The following PRMT8 variants were observed in gnomAD, a reference collection of about 807,000 sequenced individuals.
PRMT8 encodes the protein protein arginine N-methyltransferase 8.
Under a neutral mutation model 47.1 loss-of-function variants are expected in PRMT8, and 7 were observed. That is an observed-to-expected ratio of 0.15 (90% confidence interval 0.08 to 0.28). PRMT8 has a LOEUF of 0.28. Ranked by LOEUF, PRMT8 falls within the 10% of genes least tolerant of loss-of-function variation. The pLI is 1.00. For missense variants in PRMT8, 237 were observed against 505.4 expected (o/e 0.47, Z 5.09); for synonymous variants, 188 against 186.5 (o/e 1.01, Z -0.07).
rs1591606185 is a variant in PRMT8 at position 3,566,688 on chromosome 12, C to T, written c.482-2018C>T. On this transcript the variant is annotated intron_variant, in intron 4 of 9. Coordinates refer to ENST00000382622, the MANE Select transcript of PRMT8 (RefSeq NM_019854.5). The surrounding 1 kb of genome is among the most constrained non-coding windows in gnomAD (Gnocchi z 4.7). ...CTCTTTGCCATCCAGGAGCCTCAGTCCAAATTAATTTTCATGAAACTCAGA... is the reference window on the plus strand; with the variant it reads ...CTCTTTGCCATCCAGGAGCCTCAGTTCAAATTAATTTTCATGAAACTCAGA... Among the ~76,000 whole-genome samples, 1 of 152,182 alleles carries T rather than the reference C, an allele frequency of 6.6e-6. No homozygotes were observed. Among genetic ancestry groups the T allele is most frequent in the African/African-American group, 2.4e-5 (1 of 41,444 alleles).
At chr12:3,527,909 G>T (rs191142786) in intron 1 of PRMT8, among the ~76,000 whole-genome samples, 4 of 152,192 alleles carry the variant, frequency 2.6e-5, no homozygotes, top group Non-Finnish European at 5.9e-5. Context: ...TTTTCACTGG[G>T]TATAGAATTC....
At chr12:3,526,815 T>C (rs559579363) in intron 1 of PRMT8, among the ~76,000 whole-genome samples, 46 of 152,324 alleles carry the variant, frequency 3.0e-4, no homozygotes, top group Non-Finnish European at 2.4e-4. Context: ...TAGGTTTCCT[T>C]TCATCAGAAT....
At chr12:3,516,901 T>C (rs1865800519) in intron 1 of PRMT8, among the ~76,000 whole-genome samples, 1 of 152,142 alleles carries the variant, frequency 6.6e-6, no homozygotes, top group South Asian at 2.1e-4. Flanking sequence ...TCCATTCTTA[T>C]CAGCCTGCCC....
intron 8 of PRMT8, among the ~76,000 whole-genome samples, chr12:3,584,728 A>G (rs557670226): frequency 6.6e-6 from 1 of 152,204 alleles, no homozygotes; most frequent in Non-Finnish European, 1.5e-5. Flanking sequence ...ATATCCATAG[A>G]TGCCTCTTTT....
At chr12:3,490,708 AG>A (rs1865376743), upstream of PRMT8, among the ~76,000 whole-genome samples, 1 of 151,464 alleles carries the variant, frequency 6.6e-6, no homozygotes, top group African/African-American at 2.4e-5. Flanking sequence ...AGAGAGAGAG[AG>A]AGAGAGAGAG....
chr12:3,391,341 G>T (rs1471062822), intron 1 of PRMT8, among the ~76,000 whole-genome samples: 2 of 152,180 alleles, frequency 1.3e-5, no homozygotes, highest in Admixed American at 6.5e-5. Context: ...GGAGGTGGGT[G>T]GCCACTAAAG....
chr12:3,388,689 G>C (rs370349404), intron 1 of PRMT8, among the ~76,000 whole-genome samples: 2 of 152,128 alleles, frequency 1.3e-5, no homozygotes, highest in East Asian at 1.9e-4. Context: ...ATAAGGGACA[G>C]AGCTGAGATT....
intron 1 of PRMT8, among the ~76,000 whole-genome samples, chr12:3,385,426 C>A (rs1864129240): frequency 6.6e-6 from 1 of 152,106 alleles, no homozygotes; most frequent in African/African-American, 2.4e-5. Flanking sequence ...CAGACTGTAC[C>A]CACAATTTCA....
chr12:3,546,291 A>G (rs1267058487), intron 2 of PRMT8, among the ~76,000 whole-genome samples: 2 of 152,250 alleles, frequency 1.3e-5, no homozygotes, highest in Admixed American at 1.3e-4. Flanking sequence ...AGCTAGAGAA[A>G]GAACAAATAA....
chr12:3,430,293 G>A (rs1864660198), intron 1 of PRMT8, among the ~76,000 whole-genome samples: 2 of 152,308 alleles, frequency 1.3e-5, no homozygotes, highest in South Asian at 4.1e-4. Flanking sequence ...TAGGTCAGGG[G>A]TTGATTTTTA....
chr12:3,483,777 C>T (rs986613245), intron 1 of PRMT8, among the ~76,000 whole-genome samples: 2 of 152,158 alleles, frequency 1.3e-5, no homozygotes, highest in Admixed American at 1.3e-4. Context: ...AGTCAAAGAA[C>T]AATTTTTTTT....
intron 1 of PRMT8, among the ~76,000 whole-genome samples, chr12:3,480,586 C>T (rs1865264222): frequency 6.6e-6 from 1 of 152,180 alleles, no homozygotes; most frequent in Non-Finnish European, 1.5e-5. Context: ...TCCCTGAGGT[C>T]TCCAGTAACT....
At chr12:3,512,049 C>T (rs2137130562) in intron 1 of PRMT8, among the ~76,000 whole-genome samples, 1 of 152,246 alleles carries the variant, frequency 6.6e-6, no homozygotes, top group South Asian at 2.1e-4. Flanking sequence ...CATGGCCATC[C>T]CTGCAGTTAC....
At chr12:3,398,966 T>C (rs1224631363) in intron 1 of PRMT8, among the ~76,000 whole-genome samples, 1 of 152,178 alleles carries the variant, frequency 6.6e-6, no homozygotes, top group Admixed American at 6.5e-5. Flanking sequence ...AAGTGAAAGC[T>C]GTCAGCCATT....
intron 1 of PRMT8, among the ~76,000 whole-genome samples, chr12:3,406,700 G>T (rs990777718): frequency 2.0e-5 from 3 of 152,172 alleles, no homozygotes; most frequent in South Asian, 2.1e-4. Context: ...GGACTTCATT[G>T]TCTATATCAC....
Position 3,576,827 on chromosome 12 carries a change from T to C in PRMT8, c.713-44T>C, listed in dbSNP as rs1373277657. On this transcript the variant is annotated intron_variant, in intron 6 of 9. Coordinates refer to ENST00000382622, the MANE Select transcript of PRMT8 (RefSeq NM_019854.5). This position sits in a 1 kb window ranked among gnomAD's most constrained non-coding sequence, Gnocchi z 4.0. ...GACTCAGGAGGGTTGGGTGAGCTTC[T>C]GGGGGTCCTGCGCCTGCCTTCACGT... The C allele has an allele frequency of 3.9e-6, 6 of 1,529,524 alleles. No individual in the cohort carries two copies. Among genetic ancestry groups the C allele is most frequent in the Non-Finnish European group, 5.4e-6 (6 of 1,105,444 alleles). The allele number at this position is 1,529,524 out of a possible 1,614,324, so 94.7% of individuals were successfully genotyped here.
intron 1 of PRMT8, among the ~76,000 whole-genome samples, chr12:3,410,077 CTT>C (rs1431542361): frequency 6.6e-6 from 1 of 152,122 alleles, no homozygotes; most frequent in East Asian, 1.9e-4. Flanking sequence ...CACCAAGACT[CTT>C]TTTTTTCTGG....
At chr12:3,461,878 TA>T (rs1172031856) in intron 1 of PRMT8, among the ~76,000 whole-genome samples, 1 of 152,126 alleles carries the variant, frequency 6.6e-6, no homozygotes, top group Non-Finnish European at 1.5e-5. Context: ...GCAGGTTTTT[TA>T]AAAAACCAAA....
chr12:3,470,037 A>G (rs1028444172), intron 1 of PRMT8, among the ~76,000 whole-genome samples: 1 of 152,258 alleles, frequency 6.6e-6, no homozygotes, highest in Non-Finnish European at 1.5e-5. Context: ...CAGGACCCCA[A>G]GTCATGATGG....
Sources: allele counts gnomAD v4.1 joint callset (sites outside exome capture counted in the v4.1 genomes callset), GRCh38; gene constraint gnomAD v4.1.1; non-coding constraint Gnocchi (gnomAD v3.1); transcripts MANE v1.5; gene names NCBI Gene and HGNC (gene_info 2026-07-23, HGNC 2026-07-21).